The following IVNS1ABP variants were observed in gnomAD, a reference collection of about 807,000 sequenced individuals.
The protein encoded by IVNS1ABP is influenza virus NS1A binding protein.
A neutral mutation model predicts 78.9 loss-of-function variants in IVNS1ABP; 25 were observed. That is an observed-to-expected ratio of 0.32 (90% CI 0.23 to 0.44). The LOEUF is 0.44. Among genes scored for constraint, IVNS1ABP ranks in the 20% least tolerant of loss-of-function variants. The pLI is 1.00. For missense variants in IVNS1ABP, 494 were observed against 768.9 expected, an observed-to-expected ratio of 0.64 and a Z score of 4.23; for synonymous variants, 241 against 259.7, an observed-to-expected ratio of 0.93 and a Z score of 0.69.
chr1:185,307,710 A>G, intron 5 of IVNS1ABP, 48 bp from the exon 6 acceptor site: 1 of 1,551,890 alleles, frequency 6.4e-7, no homozygotes, highest in Non-Finnish European at 8.8e-7. Context: ...TCTTTTATTC[A>G]ACAAATATTT....
chr1:185,305,756 T>G lies in IVNS1ABP; in HGVS notation c.658-113A>C. On this transcript the variant is annotated intron_variant, in intron 7 of 14. Transcript: ENST00000367498. This position sits in a 1 kb window ranked among gnomAD's most constrained non-coding sequence, Gnocchi z 4.0. ...CCTCCAGTGTGCTTCTTGAGCTTCT[T>G]GACATATTACTCTGGCAGGATCCGG... 1 of 1,154,536 alleles carries G rather than the reference T, an allele frequency of 8.7e-7. No individual in the cohort carries two copies. Among genetic ancestry groups the G allele is most frequent in the African/African-American group, 1.6e-5 (1 of 64,298 alleles). 71.5% of individuals were successfully genotyped at this position (1,154,536 alleles called of 1,614,324 possible).
In IVNS1ABP at chr1:185,299,825, T is replaced by C; in HGVS notation, c.1560A>G (p.Ala520=). The change falls in exon 14 of 15, where the codon GCA becomes GCG. Residue 520 remains alanine, a synonymous_variant. Transcript: ENST00000367498. Reference sequence around the variant, plus strand: ...CTGTGTTCAGACAATTCCAAGATTCTGCACCTCCGATTATGTACAAATAAC... The same window carrying C: ...CTGTGTTCAGACAATTCCAAGATTCCGCACCTCCGATTATGTACAAATAAC... The part of the protein sequence containing the change: ...LGGYLYIIGG[A]ESWNCLNTVE... The C allele has an allele frequency of 6.2e-7, 1 of 1,613,772 alleles. No homozygotes were observed. Among genetic ancestry groups the C allele is most frequent in the Non-Finnish European group, 8.5e-7 (1 of 1,179,802 alleles).
At chr1:185,306,296 GGA>G (rs1487869875) in intron 7 of IVNS1ABP, 2 of 304,690 alleles carry the variant, frequency 6.6e-6, no homozygotes, top group Admixed American at 5.0e-5. Context: ...AGGTTTAAGT[GGA>G]GAGAGAAACT....
intron 2 of IVNS1ABP, among the ~76,000 whole-genome samples, chr1:185,310,136 T>G (rs966814516): frequency 5.9e-5 from 9 of 152,222 alleles, no homozygotes; most frequent in African/African-American, 2.2e-4. Context: ...TTTATAAATG[T>G]TTTGAAACAT....
chr1:185,315,505 G>C (rs920061698), intron 1 of IVNS1ABP, among the ~76,000 whole-genome samples: 2 of 152,114 alleles, frequency 1.3e-5, no homozygotes, highest in Non-Finnish European at 2.9e-5. Context: ...GGCTCTCTTT[G>C]GTCAGTGGCT....
chr1:185,300,311 G>A lies in IVNS1ABP; in HGVS notation c.1275C>T (p.Gly425=). The change falls in exon 12 of 15, where the codon GGC becomes GGT. Residue 425 remains glycine, a synonymous_variant. Coordinates refer to ENST00000367498, the MANE Select transcript of IVNS1ABP (RefSeq NM_006469.5). ...CTCCACAACTCAGGTCATCTGAGTG[G>A]CCATTTGATCCACCTACCACATAGA... The part of the protein sequence containing the change: ...GQLYVVGGSN[G]HSDDLSCGEM... 6.2e-7 allele frequency: 1 copy of A among 1,613,420 alleles called. No homozygotes were observed. The highest frequency in any genetic ancestry group is 8.5e-7 in the Non-Finnish European group (1 of 1,179,742).
At chr1:185,312,882 A>G (rs1312406838) in intron 1 of IVNS1ABP, among the ~76,000 whole-genome samples, 1 of 152,206 alleles carries the variant, frequency 6.6e-6, no homozygotes, top group Non-Finnish European at 1.5e-5. Context: ...GGCATGGTCA[A>G]TTCACAGGCA....
At position 185,300,527 on chromosome 1, in the gene IVNS1ABP, T is replaced by A. The variant is rs1299463944; in HGVS notation, c.1152A>T (p.Thr384=). The A allele has an allele frequency of 6.2e-7, 1 of 1,613,464 alleles. No individual in the cohort carries two copies. The change falls in exon 11 of 15, where the codon ACA becomes ACT. Residue 384 remains threonine (T), a synonymous_variant. Coordinates refer to ENST00000367498, the MANE Select transcript of IVNS1ABP (RefSeq NM_006469.5). The part of the protein sequence containing the change: ...GGYNREECLR[T]VECYNPHTDH... ...CTGTATGTGGATTATAGCATTCGAC[T>A]GTTCGAAGACATTCCTCTCTGTTAT...
chr1:185,307,790 G>A, intron 5 of IVNS1ABP, 128 bp from the exon 6 acceptor site: 1 of 1,182,418 alleles, frequency 8.5e-7, no homozygotes, highest in Non-Finnish European at 1.2e-6. Context: ...TACAACAAAT[G>A]TTAATAGTGG....
At chr1:185,311,535 A>T (rs1410709152) in intron 1 of IVNS1ABP, among the ~76,000 whole-genome samples, 3 of 152,134 alleles carry the variant, frequency 2.0e-5, no homozygotes, top group Non-Finnish European at 4.4e-5. Flanking sequence ...TAAAAAAAAA[A>T]AAAAAAGTCC....
intron 2 of IVNS1ABP, 84 bp downstream of exon 2, chr1:185,311,011 T>C: frequency 3.4e-6 from 1 of 297,048 alleles, no homozygotes; most frequent in Non-Finnish European, 6.2e-6. Context: ...AAAAAAAGAG[T>C]ATGAAAGGTT....
At chr1:185,316,685 C>T (rs1457322602) in intron 1 of IVNS1ABP, among the ~76,000 whole-genome samples, 1 of 152,170 alleles carries the variant, frequency 6.6e-6, no homozygotes, top group Non-Finnish European at 1.5e-5. Flanking sequence ...CAAAGGGGCT[C>T]CAGCCTCCGC....
At position 185,298,204 on chromosome 1, in the gene IVNS1ABP, T is replaced by A. The variant is rs368742162; in HGVS notation, c.1760A>T (p.Lys587Met). 2.5e-6 allele frequency: 4 copies of A among 1,613,764 alleles called. No homozygotes were observed. Among genetic ancestry groups the A allele is most frequent in the Non-Finnish European group, 2.5e-6 (3 of 1,179,792 alleles). Reference sequence around the variant, plus strand: ...TGGTGAAGTCATATTTCCCATCATCTTCCATTCATTTCTAGTTGGATCATA... The same window carrying A: ...TGGTGAAGTCATATTTCCCATCATCATCCATTCATTTCTAGTTGGATCATA... Reference protein sequence around the residue: ...EMYDPTRNEWKMMGNMTSPRS... With the variant: ...EMYDPTRNEWMMMGNMTSPRS... The change falls in exon 15 of 15, where the codon AAG becomes ATG. Residue 587 changes from lysine to methionine, a missense_variant. Physicochemically the swap from Lys to Met is moderately conservative, Grantham distance 95 (BLOSUM62 -1). Transcript: ENST00000367498. The surrounding 1 kb of genome is among the most constrained non-coding windows in gnomAD (Gnocchi z 4.1).
At position 185,301,107 on chromosome 1, in the gene IVNS1ABP, T is replaced by C. The variant is rs763672952; in HGVS notation, c.985A>G (p.Ser329Gly). The change falls in exon 10 of 15, where the codon AGT (serine) becomes GGT (glycine). Residue 329 changes from serine to glycine, a missense_variant. Ser to Gly is a moderately conservative substitution (Grantham distance 56, BLOSUM62 0). Transcript: ENST00000367498. ...GRNSPQSSPT[S>G]TPKLSKSLSF... ...AAACTCTTACTTAGTTTTGGAGTAC[T>C]TGTTGGTGAGCTCTGTGGGCTGTTT... The C allele has an allele frequency of 2.5e-6, 4 of 1,613,528 alleles. No homozygotes were observed. In the East Asian group the frequency reaches 6.7e-5, roughly 27 times the overall value.
rs1452475553 is a variant in IVNS1ABP, at chr1:185,300,133, A to T, written c.1370-3T>A. ...CTTTCCATTCAGAGCACACACTCCT[A>T]TGTAAGTATAAAATAAAGTTACATA... On this transcript the variant is annotated splice_polypyrimidine_tract_variant and splice_region_variant and intron_variant, in intron 12 of 14. Coordinates refer to ENST00000367498, the MANE Select transcript of IVNS1ABP (RefSeq NM_006469.5). The T allele has an allele frequency of 4.3e-6, 7 of 1,611,616 alleles. No individual in the cohort carries two copies. The highest frequency in any genetic ancestry group is 1.7e-5 in the Admixed American group (1 of 59,722).
Position 185,309,470 on chromosome 1 carries a change from C to T in IVNS1ABP, c.24G>A (p.Met8Ile). Reference protein sequence around the residue: MIPNGYLMFEDENFIESS... With the variant: MIPNGYLIFEDENFIESS... ...ACTCAATAAAATTTTCATCCTCAAA[C>T]ATCAAATATCCATTGGGAATCATTT... Residue 8 changes from methionine (M) to isoleucine (I), a missense_variant, in exon 3 of 15, where the codon ATG (methionine) becomes ATA (isoleucine). By Grantham distance (10) the Met-to-Ile change is conservative. Coordinates refer to ENST00000367498, the MANE Select transcript of IVNS1ABP (RefSeq NM_006469.5). 6.2e-7 allele frequency: 1 copy of T among 1,606,852 alleles called. No individual in the cohort carries two copies. Among genetic ancestry groups the T allele is most frequent in the Non-Finnish European group, 8.5e-7 (1 of 1,175,054 alleles).
rs540952118 is a variant in IVNS1ABP at position 185,307,769 on chromosome 1, C to T, written c.358-107G>A. ...TGTGAAGATACAAAGAATCAAAAAT[C>T]ACTGTCTTAATACAACAAATGTTAA... On this transcript the variant is annotated intron_variant, in intron 5 of 14. Coordinates refer to ENST00000367498, the MANE Select transcript of IVNS1ABP (RefSeq NM_006469.5). The T allele has an allele frequency of 4.1e-4, 524 of 1,278,210 alleles. 5 individuals are homozygous for T. The South Asian group carries it at 4.8e-3, about 12-fold the overall frequency. 79.2% of individuals were successfully genotyped at this position (1,278,210 alleles called of 1,614,324 possible). A position where few individuals can be genotyped will look rare whatever the true frequency, so the allele number is the denominator to read the frequency against.
chr1:185,306,743 C>G (rs1665748981), intron 7 of IVNS1ABP: 1 of 788,346 alleles, frequency 1.3e-6, no homozygotes, highest in Non-Finnish European at 1.7e-6. Flanking sequence ...TTCAGTACCA[C>G]TTCCCATTTC....
chr1:185,306,799 T>C, intron 7 of IVNS1ABP: 1 of 687,846 alleles, frequency 1.5e-6, no homozygotes, highest in Non-Finnish European at 2.2e-6. Flanking sequence ...CAGCACATAA[T>C]AAGCAAAGAA....
Sources: gnomAD v4.1 joint callset for allele counts (sites outside exome capture counted in the v4.1 genomes callset) on GRCh38, gnomAD v4.1.1 for gene constraint, Gnocchi (gnomAD v3.1) non-coding constraint, MANE v1.5 for transcripts, NCBI Gene and HGNC (gene_info 2026-07-23, HGNC 2026-07-21) for gene names.